The following PIWIL1 variants were observed in gnomAD, a reference collection of about 807,000 sequenced individuals.
PIWIL1 encodes the protein piwi-like protein 1.
Under a neutral mutation model 114.4 loss-of-function variants are expected in PIWIL1, and 73 were observed. The ratio of observed to expected loss-of-function variants is 0.64; its 90% CI spans 0.53 to 0.78. The LOEUF (loss-of-function observed/expected upper bound fraction) is 0.78, where lower values mean the gene tolerates loss of function less well. PIWIL1 is among the 30% of genes least tolerant of loss of function. PIWIL1 has a pLI of 0.00. For missense variants in PIWIL1, 723 were observed against 1,063.1 expected, an observed-to-expected ratio of 0.68 and a Z score of 4.45; for synonymous variants, 375 against 369.0, an observed-to-expected ratio of 1.02 and a Z score of -0.19.
At chr12:130,419,491 A>G in the PIWIL1 span, 3 of 152,362 alleles carry the variant, frequency 2.0e-5, no homozygotes, top group South Asian at 6.2e-4. The surrounding 1 kb of genome is among the most constrained non-coding windows in gnomAD (Gnocchi z 4.3). Context: ...TGTAATTTCT[A>G]TGGAGATAAA....
the PIWIL1 span, among the ~76,000 whole-genome samples, chr12:130,415,951 G>T: frequency 7.3e-6 from 1 of 136,420 alleles, no homozygotes; most frequent in Admixed American, 7.1e-5. Context: ...CAATCCCATT[G>T]ACAATAGCCA....
chr12:130,393,216 T>TCA, the PIWIL1 span, among the ~76,000 whole-genome samples: 8 of 144,862 alleles, frequency 5.5e-5, no homozygotes, highest in Non-Finnish European at 1.1e-4. Context: ...GTCACCGTCA[T>TCA]CATGTGTGTC....
the PIWIL1 span, chr12:130,424,889 G>A: frequency 1.1e-4 from 134 of 1,193,736 alleles, no homozygotes; most frequent in South Asian, 3.8e-4. The surrounding 1 kb of genome is among the most constrained non-coding windows in gnomAD (Gnocchi z 9.8). Context: ...GAACAGGCGC[G>A]GGAAAGAGTG....
chr12:130,341,543 G>C (rs745649681), intron 1 of PIWIL1, among the ~76,000 whole-genome samples: 1 of 152,216 alleles, frequency 6.6e-6, no homozygotes, highest in Non-Finnish European at 1.5e-5. Flanking sequence ...TGTAAATAAC[G>C]TGTATTAACA....
intron 3 of PIWIL1, 199 bp from the exon 4 acceptor site, chr12:130,345,553 CT>C (rs2073047194): frequency 1.9e-6 from 1 of 533,058 alleles, no homozygotes; most frequent in Non-Finnish European, 3.3e-6. Context: ...GTGACAAGGC[CT>C]TTATGAATGA....
the PIWIL1 span, chr12:130,419,728 T>G: frequency 8.5e-5 from 13 of 152,158 alleles, no homozygotes; most frequent in Non-Finnish European, 1.8e-4. The surrounding 1 kb of genome is among the most constrained non-coding windows in gnomAD (Gnocchi z 4.3). Flanking sequence ...ATATTCAGAG[T>G]TGATTCCTAA....
chr12:130,424,422 C>T, the PIWIL1 span: 1 of 1,232,770 alleles, frequency 8.1e-7, no homozygotes, highest in African/African-American at 1.5e-5. The surrounding 1 kb of genome is among the most constrained non-coding windows in gnomAD (Gnocchi z 9.8). Context: ...GCCCCTCCTG[C>T]AGGGACAGTG....
the PIWIL1 span, among the ~76,000 whole-genome samples, chr12:130,392,136 A>ATG: frequency 2.3e-4 from 29 of 123,544 alleles, no homozygotes; most frequent in African/African-American, 9.1e-4. Context: ...CACCGTCATC[A>ATG]CGTGTCCGTC....
the PIWIL1 span, chr12:130,424,539 C>G: frequency 8.1e-7 from 1 of 1,231,984 alleles, no homozygotes; most frequent in African/African-American, 1.5e-5. This position sits in a 1 kb window ranked among gnomAD's most constrained non-coding sequence, Gnocchi z 9.8. Context: ...GGTGGCCGAG[C>G]GGCTGAACCG....
intron 1 of PIWIL1, among the ~76,000 whole-genome samples, chr12:130,339,036 C>G (rs1238438370): frequency 2.0e-5 from 3 of 152,016 alleles, no homozygotes; most frequent in African/African-American, 7.3e-5. Flanking sequence ...GCACTACCCA[C>G]GCGGCCGCGG....
chr12:130,384,438 A>G, the PIWIL1 span, among the ~76,000 whole-genome samples: 3 of 152,220 alleles, frequency 2.0e-5, no homozygotes, highest in East Asian at 3.8e-4. Flanking sequence ...CTCTGAATAC[A>G]TGCCAGATAA....
the PIWIL1 span, among the ~76,000 whole-genome samples, chr12:130,400,741 T>C: frequency 6.6e-6 from 1 of 152,024 alleles, no homozygotes; most frequent in African/African-American, 2.4e-5. Context: ...TGCTAAGGGG[T>C]TAATATCCAG....
the PIWIL1 span, chr12:130,399,262 C>T: frequency 1.6e-6 from 1 of 615,850 alleles, no homozygotes; most frequent in East Asian, 4.2e-5. Context: ...AGATACTAAA[C>T]ATGAATGTAG....
rs12309180 is a variant in PIWIL1 at position 130,345,714 on chromosome 12, C to T, written c.191-39C>T. ...GAGTTAATATTGTCATCCTTTATTTCGTGCTTTATGTTGCTCAAGTACACA... is the reference window on the plus strand; with the variant it reads ...GAGTTAATATTGTCATCCTTTATTTTGTGCTTTATGTTGCTCAAGTACACA... On this transcript the variant is annotated intron_variant, in intron 3 of 20. Transcript: ENST00000245255. 1.4e-3 allele frequency: 2,194 copies of T among 1,609,348 alleles called. 18 individuals are homozygous for T. The African/African-American group carries it at 0.02, about 14-fold the overall frequency.
At chr12:130,346,694 T>C (rs780047339) in intron 5 of PIWIL1, 110 bp downstream of exon 5, 16 of 936,420 alleles carry the variant, frequency 1.7e-5, no homozygotes, top group African/African-American at 3.3e-5. Flanking sequence ...CTGTCTGATA[T>C]GACTTGGAAT....
chr12:130,371,677 A>G lies in PIWIL1; in HGVS notation c.*79A>G. On this transcript the variant is annotated 3_prime_UTR_variant, in exon 21 of 21. Transcript: ENST00000245255. ...TTAAGCTTTTATTTACTTTTTTTTTAACTGTTATCTTTCTGGATGAAACTT... is the reference window on the plus strand; with the variant it reads ...TTAAGCTTTTATTTACTTTTTTTTTGACTGTTATCTTTCTGGATGAAACTT... The G allele has an allele frequency of 1.1e-6, 1 of 875,142 alleles. No individual in the cohort carries two copies. The allele number at this position is 875,142 out of a possible 1,614,324, so 54.2% of individuals were successfully genotyped here.
At chr12:130,382,573 T>C in the PIWIL1 span, among the ~76,000 whole-genome samples, 1 of 152,268 alleles carries the variant, frequency 6.6e-6, no homozygotes, top group Non-Finnish European at 1.5e-5. Flanking sequence ...TCTCTCCATT[T>C]GCAAACTGCC....
At chr12:130,392,863 C>G in the PIWIL1 span, among the ~76,000 whole-genome samples, 9 of 5,386 alleles carry the variant, frequency 1.7e-3, 3 homozygotes, top group South Asian at 0.014. Flanking sequence ...CACGTGTGTC[C>G]GTCAGTTACC....
intron 5 of PIWIL1, 53 bp downstream of exon 5, chr12:130,346,637 C>A: frequency 7.1e-7 from 1 of 1,413,462 alleles, no homozygotes; most frequent in South Asian, 1.2e-5. Flanking sequence ...AGAACTACCA[C>A]AATGTAAGAT....
Sources: gnomAD v4.1 joint callset for allele counts (sites outside exome capture counted in the v4.1 genomes callset) on GRCh38, gnomAD v4.1.1 for gene constraint, Gnocchi (gnomAD v3.1) non-coding constraint, MANE v1.5 for transcripts, NCBI Gene and HGNC (gene_info 2026-07-23, HGNC 2026-07-21) for gene names.